Variants in TRAPPC9 observed in about 807,000 individuals in gnomAD.
The protein encoded by TRAPPC9 is trafficking protein particle complex subunit 9.
TRAPPC9 carries 83 observed loss-of-function variants against 124.0 expected under a neutral mutation model. That is an observed-to-expected ratio of 0.67 (90% CI 0.56 to 0.80). TRAPPC9 has a LOEUF of 0.80. TRAPPC9 is among the 30% of genes least tolerant of loss of function. The pLI is 0.00. For synonymous variants in TRAPPC9, 638 were observed against 617.5 expected (o/e 1.03, Z -0.49); for missense variants, 1,302 against 1,508.3 (o/e 0.86, Z 2.27).
intron 15 of TRAPPC9, among the ~76,000 whole-genome samples, chr8:140,258,257 G>A (rs971775178): frequency 2.0e-5 from 3 of 152,234 alleles, no homozygotes; most frequent in Non-Finnish European, 4.4e-5. Context: ...AAGAGGGAGG[G>A]TGACCCTGTG....
chr8:139,827,973 G>C (rs1285932982), intron 21 of TRAPPC9, among the ~76,000 whole-genome samples: 2 of 152,142 alleles, frequency 1.3e-5, no homozygotes, highest in African/African-American at 2.4e-5. Context: ...CAAATCTTAC[G>C]TGAACTCACT....
chr8:140,279,039 CTTG>C (rs1434397322), intron 14 of TRAPPC9, among the ~76,000 whole-genome samples: 1 of 152,226 alleles, frequency 6.6e-6, no homozygotes, highest in Non-Finnish European at 1.5e-5. Context: ...GGTTGGTTGA[CTTG>C]TTGTTCCCTC....
intron 20 of TRAPPC9, among the ~76,000 whole-genome samples, chr8:139,902,508 C>G (rs1831083169): frequency 6.6e-6 from 1 of 152,216 alleles, no homozygotes; most frequent in Non-Finnish European, 1.5e-5. Context: ...AAGGCAGATA[C>G]AAAATGCAAC....
intron 5 of TRAPPC9, among the ~76,000 whole-genome samples, chr8:140,408,060 A>G (rs1372284198): frequency 6.6e-6 from 1 of 152,232 alleles, no homozygotes; most frequent in Non-Finnish European, 1.5e-5. Context: ...ATTTCATTCA[A>G]CAAAAGACTA....
At chr8:139,739,016 C>A (rs531755723) in intron 21 of TRAPPC9, among the ~76,000 whole-genome samples, 91 of 152,328 alleles carry the variant, frequency 6.0e-4, no homozygotes, top group African/African-American at 2.1e-3. Context: ...AAACCCAACG[C>A]GCCCCAGGCT....
intron 17 of TRAPPC9, among the ~76,000 whole-genome samples, chr8:140,081,134 C>T (rs956460175): frequency 1.3e-5 from 2 of 152,218 alleles, no homozygotes; most frequent in African/African-American, 2.4e-5. Flanking sequence ...ATCCCCAGTG[C>T]GTCTGCAGCT....
intron 21 of TRAPPC9, among the ~76,000 whole-genome samples, chr8:139,856,616 T>C (rs1016945468): frequency 1.3e-5 from 2 of 151,508 alleles, no homozygotes; most frequent in African/African-American, 4.9e-5. Context: ...GCAAAATGGA[T>C]TTGTGAATGT....
At chr8:139,891,599 C>T (rs1830348232) in intron 20 of TRAPPC9, among the ~76,000 whole-genome samples, 1 of 152,228 alleles carries the variant, frequency 6.6e-6, no homozygotes, top group African/African-American at 2.4e-5. Flanking sequence ...GTCTGGTGGC[C>T]ACGGGCCAGG....
chr8:140,119,313 C>T (rs1318203073), intron 17 of TRAPPC9, among the ~76,000 whole-genome samples: 1 of 152,210 alleles, frequency 6.6e-6, no homozygotes, highest in Non-Finnish European at 1.5e-5. Flanking sequence ...ATTGGCTAAA[C>T]AAAAATGTTA....
intron 21 of TRAPPC9, among the ~76,000 whole-genome samples, chr8:139,811,427 T>C (rs1158233339): frequency 6.6e-6 from 1 of 152,258 alleles, no homozygotes. Context: ...CTTGTTTTGA[T>C]GCCTGTGTTT....
At chr8:140,404,770 G>C (rs534651579) in intron 6 of TRAPPC9, among the ~76,000 whole-genome samples, 1 of 152,166 alleles carries the variant, frequency 6.6e-6, no homozygotes, top group East Asian at 1.9e-4. Flanking sequence ...GCATGTGTGT[G>C]CGTGTGTGAG....
At chr8:140,245,461 T>C (rs987411995) in intron 16 of TRAPPC9, among the ~76,000 whole-genome samples, 5 of 107,596 alleles carry the variant, frequency 4.6e-5, no homozygotes, top group Admixed American at 3.4e-4. Flanking sequence ...CTCTTTGTTT[T>C]GTGGTGTGTG....
rs570406509 is a variant in TRAPPC9 at position 140,065,918 on chromosome 8, T to A, written c.2557-41839A>T. Among the ~76,000 whole-genome samples, 7 of 152,344 alleles carry A rather than the reference T, an allele frequency of 4.6e-5. No individual in the cohort carries two copies. The South Asian group carries it at 8.3e-4, about 18-fold the overall frequency. ...TTGCCAATGTATCTTTACATGTACA[T>A]GTATTCTTTAAAAAATGCATTCCAT... On this transcript the variant is annotated intron_variant, in intron 17 of 22. Transcript: ENST00000438773.
intron 19 of TRAPPC9, among the ~76,000 whole-genome samples, chr8:139,983,781 C>T (rs1189950538): frequency 2.0e-5 from 3 of 152,152 alleles, no homozygotes; most frequent in African/African-American, 7.2e-5. Flanking sequence ...GCCTCTCTCA[C>T]ACCATCCCAA....
chr8:140,033,658 GTTTTTTTTTTTTTTTTTTTTTTT>G lies in TRAPPC9; in HGVS notation c.2557-9602_2557-9580del, dbSNP rs776155126. ...TTGAAATGCAACTCTTCATAATGTG[GTTTTTTTTTTTTTTTTTTTTTTT>G]TTTTTTTTTTTTTTTTTTGAGACAG... is the stretch of plus-strand genomic sequence containing the variant. On this transcript the variant is annotated intron_variant, in intron 17 of 22. Transcript: ENST00000438773. Among the ~76,000 whole-genome samples the G allele has an allele frequency of 1.2e-3, 52 of 42,396 alleles. No individual in the cohort carries two copies. In the East Asian group the frequency reaches 0.013, roughly 10 times the overall value. 27.8% of individuals were successfully genotyped at this position (42,396 alleles called of 152,430 possible).
chr8:140,311,381 A>G lies in TRAPPC9; in HGVS notation c.1496-7T>C, dbSNP rs778547295. 1 of 1,613,376 alleles carries G rather than the reference A, an allele frequency of 6.2e-7. No homozygotes were observed. Among genetic ancestry groups the G allele is most frequent in the South Asian group, 1.1e-5 (1 of 91,084 alleles). On this transcript the variant is annotated splice_polypyrimidine_tract_variant and splice_region_variant and intron_variant, in intron 9 of 22. Coordinates refer to ENST00000438773, the MANE Select transcript of TRAPPC9 (RefSeq NM_001160372.4). ...TGGGCCACATCTTTCTTTTCTGAAG[A>G]GAAGATGAAAACAAAATAAAGATGT...
At chr8:140,256,176 G>A (rs1236807821) in intron 15 of TRAPPC9, among the ~76,000 whole-genome samples, 1 of 152,156 alleles carries the variant, frequency 6.6e-6, no homozygotes, top group African/African-American at 2.4e-5. Context: ...CTGGAAACCC[G>A]CTTCAACACA....
intron 8 of TRAPPC9, among the ~76,000 whole-genome samples, chr8:140,362,716 T>G (rs2067992417): frequency 6.6e-6 from 1 of 152,156 alleles, no homozygotes; most frequent in South Asian, 2.1e-4. Flanking sequence ...AAGAAGAGAT[T>G]TTTTTAAAGA....
chr8:140,443,252 G>C (rs1037974887), intron 2 of TRAPPC9, among the ~76,000 whole-genome samples: 4 of 146,538 alleles, frequency 2.7e-5, no homozygotes, highest in Non-Finnish European at 6.0e-5. Context: ...TGGCTAACAT[G>C]ATGAAACCCC....
Sources: allele counts gnomAD v4.1 joint callset (sites outside exome capture counted in the v4.1 genomes callset), GRCh38; gene constraint gnomAD v4.1.1; transcripts MANE v1.5; gene names NCBI Gene and HGNC (gene_info 2026-07-23, HGNC 2026-07-21).